Variants in LAPTM4A observed in about 807,000 individuals in gnomAD.
LAPTM4A encodes the protein lysosomal-associated transmembrane protein 4A.
A neutral mutation model predicts 29.9 loss-of-function variants in LAPTM4A; 19 were observed. The observed-to-expected ratio is 0.64, with a 90% CI of 0.44 to 0.93. The LOEUF is 0.93. Ranked by LOEUF, LAPTM4A falls within the 40% of genes least tolerant of loss-of-function variation. The pLI, the probability that LAPTM4A is intolerant of heterozygous loss-of-function variation, is 0.00. For synonymous variants in LAPTM4A, 105 were observed against 102.1 expected (o/e 1.03, Z -0.17); for missense variants, 293 against 288.5 (o/e 1.02, Z -0.11).
intron 2 of LAPTM4A, 38 bp downstream of exon 2, chr2:20,040,853 G>A: frequency 6.3e-7 from 1 of 1,591,060 alleles, no homozygotes; most frequent in Non-Finnish European, 8.6e-7. Flanking sequence ...ATAAAAATTA[G>A]CAGGGGAGAT....
At chr2:20,050,683 G>T (rs1188737081) in intron 1 of LAPTM4A, among the ~76,000 whole-genome samples, 1 of 152,176 alleles carries the variant, frequency 6.6e-6, no homozygotes, top group African/African-American at 2.4e-5. Flanking sequence ...CACAGATCTT[G>T]GAACCCAGGA....
At chr2:20,051,158 T>C (rs1027709803) in intron 1 of LAPTM4A, among the ~76,000 whole-genome samples, 36 of 152,062 alleles carry the variant, frequency 2.4e-4, no homozygotes, top group Non-Finnish European at 1.5e-5. Flanking sequence ...CAAGCCCGCT[T>C]CTCTCCTCAA....
rs181868251 is a variant in LAPTM4A at position 20,050,146 on chromosome 2, G to A, written c.111+1264C>T. On this transcript the variant is annotated intron_variant, in intron 1 of 6. Coordinates refer to ENST00000175091, the MANE Select transcript of LAPTM4A (RefSeq NM_014713.5). The stretch of plus-strand genomic sequence containing the variant: ...TCAGCACAAGCAAACCTACACATTC[G>A]TGTTGTTTTTTAAATGTACATCAGA... 1.2e-3 allele frequency among the ~76,000 whole-genome samples: 177 copies of A among 152,280 alleles called. 1 individual carries two copies. The highest frequency in any genetic ancestry group is 2.5e-4 in the Non-Finnish European group (17 of 68,022).
intron 1 of LAPTM4A, among the ~76,000 whole-genome samples, chr2:20,049,506 CG>C (rs991088053): frequency 6.6e-6 from 1 of 152,130 alleles, no homozygotes; most frequent in Non-Finnish European, 1.5e-5. Flanking sequence ...AATAAGCGCC[CG>C]TAATGAAGTT....
Position 20,034,969 on chromosome 2 carries a change from TA to T in LAPTM4A, c.525del (p.Phe175LeufsTer5), listed in dbSNP as rs1476796878. The T allele has an allele frequency of 6.2e-7, 1 of 1,608,732 alleles. No individual in the cohort carries two copies. Among genetic ancestry groups the T allele is most frequent in the South Asian group, 1.1e-5 (1 of 90,552 alleles). ...VLVFFALFII[F>X]KAYLINCVWN... is the part of the protein sequence containing the mutation. Reference sequence around the variant, plus strand: ...TAAAGATTTAGTCAGCAACGTACCTTAAAAATGATGAATAAGGCAAAGAACA... The same window carrying T: ...TAAAGATTTAGTCAGCAACGTACCTTAAAATGATGAATAAGGCAAAGAACA... On this transcript the variant is annotated frameshift_variant, in exon 5 of 7. Coordinates refer to ENST00000175091, the MANE Select transcript of LAPTM4A (RefSeq NM_014713.5). LOFTEE classifies it high-confidence loss of function.
In LAPTM4A at chr2:20,035,078, A is replaced by T; in HGVS notation, c.433-16T>A. 1 of 1,559,612 alleles carries T rather than the reference A, an allele frequency of 6.4e-7. No homozygotes were observed. The highest frequency in any genetic ancestry group is 8.8e-7 in the Non-Finnish European group (1 of 1,132,584). On this transcript the variant is annotated splice_polypyrimidine_tract_variant and intron_variant, in intron 4 of 6. Transcript: ENST00000175091. ...GAAAATCAGGCTATTAAAGAAACACACACACATTTACAAGTCAGCCATCGC... is the reference window on the plus strand; with the variant it reads ...GAAAATCAGGCTATTAAAGAAACACTCACACATTTACAAGTCAGCCATCGC...
chr2:20,051,546 C>A lies in LAPTM4A; in HGVS notation c.-26G>T, dbSNP rs1346838183. ...CGTAACAGGCGGGCCTCCTTCTTGGCCGGGCCCCTGACAAACGTTCTCCAC... is the reference window on the plus strand; with the variant it reads ...CGTAACAGGCGGGCCTCCTTCTTGGACGGGCCCCTGACAAACGTTCTCCAC... On this transcript the variant is annotated 5_prime_UTR_variant, in exon 1 of 7. Coordinates refer to ENST00000175091, the MANE Select transcript of LAPTM4A (RefSeq NM_014713.5). 6.8e-7 allele frequency: 1 copy of A among 1,465,852 alleles called. No homozygotes were observed. Among genetic ancestry groups the A allele is most frequent in the South Asian group, 1.2e-5 (1 of 83,490 alleles). 90.8% of individuals were successfully genotyped at this position (1,465,852 alleles called of 1,614,324 possible).
Position 20,037,347 on chromosome 2 carries a change from A to G in LAPTM4A, c.401T>C (p.Leu134Ser), listed in dbSNP as rs1673698544. Reference protein sequence around the residue: ...CLVAISSLTYLPRIKEYLDQL... With the variant: ...CLVAISSLTYSPRIKEYLDQL... ...ATCCAGATATTCTTTGATTCTTGGC[A>G]AATAGGTGAGAGAACTAATAGCAAC... Residue 134 changes from leucine to serine, a missense_variant, in exon 4 of 7, where the codon TTG (leucine) becomes TCG (serine). By Grantham distance (145) the Leu-to-Ser change is moderately radical. Transcript: ENST00000175091. 1 of 1,613,140 alleles carries G rather than the reference A, an allele frequency of 6.2e-7. No homozygotes were observed. Among genetic ancestry groups the G allele is most frequent in the African/African-American group, 1.3e-5 (1 of 75,008 alleles).
In LAPTM4A at chr2:20,032,924, C is replaced by T. The variant is rs1041236807; in HGVS notation, c.*281G>A. 3 of 418,438 alleles carry T rather than the reference C, an allele frequency of 7.2e-6. No individual in the cohort carries two copies. Among genetic ancestry groups the T allele is most frequent in the Non-Finnish European group, 1.3e-5 (3 of 232,744 alleles). The allele number at this position is 418,438 out of a possible 1,614,324, so 25.9% of individuals were successfully genotyped here. ...AAAAGGAAACTATGTGGCAAGTACC[C>T]TCTTTCCCTTCCCACCCCCCAATTA... On this transcript the variant is annotated 3_prime_UTR_variant, in exon 7 of 7. Transcript: ENST00000175091.
In LAPTM4A at chr2:20,041,028, T is replaced by A. The variant is rs1673785401; in HGVS notation, c.112-17A>T. ...GTTTACTACCTGGAAAAGATAACAT[T>A]CTATCAGTTACATTAATTACCATCA... On this transcript the variant is annotated splice_polypyrimidine_tract_variant and intron_variant, in intron 1 of 6. Transcript: ENST00000175091. 4 of 1,612,880 alleles carry A rather than the reference T, an allele frequency of 2.5e-6. No individual in the cohort carries two copies. Among genetic ancestry groups the A allele is most frequent in the African/African-American group, 1.3e-5 (1 of 74,854 alleles).
Position 20,040,963 on chromosome 2 carries a change from G to C in LAPTM4A, c.160C>G (p.Pro54Ala). The change falls in exon 2 of 7, where the codon CCA becomes GCA. Residue 54 changes from proline (P) to alanine (A), a missense_variant. Pro to Ala is a conservative substitution (Grantham distance 27). Transcript: ENST00000175091. Reference protein sequence around the residue: ...AILLTVEVTHPNSMPAVNIQY... With the variant: ...AILLTVEVTHANSMPAVNIQY... ...ATGTTGACAGCTGGCATGGAGTTTG[G>C]ATGAGTCACTTCCACAGTCAGCAAA... 1 of 1,613,454 alleles carries C rather than the reference G, an allele frequency of 6.2e-7. No individual in the cohort carries two copies. Among genetic ancestry groups the C allele is most frequent in the Non-Finnish European group, 8.5e-7 (1 of 1,179,380 alleles).
At chr2:20,042,676 G>A (rs1673826362) in intron 1 of LAPTM4A, among the ~76,000 whole-genome samples, 1 of 152,178 alleles carries the variant, frequency 6.6e-6, no homozygotes, top group African/African-American at 2.4e-5. Flanking sequence ...AATTTTCCTA[G>A]TCTCCCAGGG....
In LAPTM4A at chr2:20,034,952, T is replaced by C. The variant is rs1488176757; in HGVS notation, c.528+15A>G. The C allele has an allele frequency of 6.3e-7, 1 of 1,584,332 alleles. No homozygotes were observed. Among genetic ancestry groups the C allele is most frequent in the Admixed American group, 1.7e-5 (1 of 59,708 alleles). On this transcript the variant is annotated intron_variant, in intron 5 of 6. Transcript: ENST00000175091. ...TCAATCTCAGTCACCCCTAAAGATT[T>C]AGTCAGCAACGTACCTTAAAAATGA...
chr2:20,042,901 T>C (rs751281498), intron 1 of LAPTM4A, among the ~76,000 whole-genome samples: 16 of 152,178 alleles, frequency 1.1e-4, no homozygotes, highest in African/African-American at 1.7e-4. Flanking sequence ...AATGTGAACA[T>C]CTGGAATTTT....
In LAPTM4A at chr2:20,051,478, A is replaced by T; in HGVS notation, c.43T>A (p.Tyr15Asn). ...SFKRNRSDRF[Y>N]STRCCGCCHV... ...CAACAGCCGCAGCACCGGGTGCTGT[A>T]GAACCGGTCACTGCGGTTCCGCTTG... Residue 15 changes from tyrosine (Y) to asparagine (N), a missense_variant, in exon 1 of 7, where the codon TAC (tyrosine) becomes AAC (asparagine). Physicochemically the swap from Tyr to Asn is moderately radical, Grantham distance 143 (BLOSUM62 -2). Transcript: ENST00000175091. 6.2e-7 allele frequency: 1 copy of T among 1,613,114 alleles called. No individual in the cohort carries two copies. Among genetic ancestry groups the T allele is most frequent in the Non-Finnish European group, 8.5e-7 (1 of 1,179,578 alleles).
chr2:20,033,430 G>C, intron 6 of LAPTM4A, 151 bp from the exon 7 acceptor site: 1 of 669,354 alleles, frequency 1.5e-6, no homozygotes, highest in South Asian at 1.8e-5. Flanking sequence ...TTCCCAAGTA[G>C]ATGCCTCAAT....
At chr2:20,049,520 T>C (rs978699842) in intron 1 of LAPTM4A, among the ~76,000 whole-genome samples, 1 of 152,216 alleles carries the variant, frequency 6.6e-6, no homozygotes, top group African/African-American at 2.4e-5. Context: ...ATGAAGTTTT[T>C]CTCTCTGCAT....
intron 2 of LAPTM4A, 129 bp from the exon 3 acceptor site, chr2:20,037,743 C>A: frequency 4.9e-5 from 24 of 485,092 alleles, no homozygotes; most frequent in South Asian, 2.6e-4. Context: ...GATCTAAGGC[C>A]AAGAGGGTAA....
chr2:20,043,360 G>A (rs912302096), intron 1 of LAPTM4A, among the ~76,000 whole-genome samples: 3 of 151,906 alleles, frequency 2.0e-5, no homozygotes, highest in Non-Finnish European at 4.4e-5. Context: ...GACTACAGGC[G>A]TGCACCATTC....
Sources: allele counts gnomAD v4.1 joint callset (sites outside exome capture counted in the v4.1 genomes callset), GRCh38; gene constraint gnomAD v4.1.1; transcripts MANE v1.5; gene names NCBI Gene and HGNC (gene_info 2026-07-23, HGNC 2026-07-21).